KIF1C: variants seen among roughly 807,000 people sequenced by gnomAD.
The protein encoded by KIF1C is kinesin family member 1C, also known as kinesin-like protein KIF1C.
In KIF1C, 61 loss-of-function variants were observed where a neutral mutation model predicts 126.5. That is an observed-to-expected ratio of 0.48 (90% CI 0.39 to 0.60). The LOEUF (loss-of-function observed/expected upper bound fraction) is 0.60. Among genes scored for constraint, KIF1C ranks in the 20% least tolerant of loss-of-function variants. The pLI, the probability that KIF1C is intolerant of heterozygous loss-of-function variation, is 0.00. For missense variants in KIF1C, 1,315 were observed against 1,489.2 expected (o/e 0.88, Z 1.93); for synonymous variants, 640 against 580.6 (o/e 1.10, Z -1.47).
At position 5,022,697 on chromosome 17, in the gene KIF1C, C is replaced by T; in HGVS notation, c.2616C>T (p.Ile872=). Residue 872 remains isoleucine (I), a synonymous_variant, in exon 22 of 23, where the codon ATC becomes ATT. Transcript: ENST00000320785. The surrounding 1 kb of genome is among the most constrained non-coding windows in gnomAD (Gnocchi z 4.9). ...GCATGCTCCGCATGGAGAGGGTCAT[C>T]CCCCTGGCCCAGGTAGGACTGGCCT... ...RDRMLRMERV[I]PLAQDHEDEN... is the part of the protein sequence containing the mutation. The T allele has an allele frequency of 6.5e-7, 1 of 1,546,366 alleles. No individual in the cohort carries two copies. The highest frequency in any genetic ancestry group is 2.3e-5 in the East Asian group (1 of 44,236).
intron 16 of KIF1C, among the ~76,000 whole-genome samples, chr17:5,009,898 C>T (rs1004508916): frequency 4.6e-5 from 7 of 151,984 alleles, no homozygotes; most frequent in Admixed American, 1.3e-4. Context: ...ACATTCACGG[C>T]CTCTCTAATA....
At chr17:5,014,661 T>G in intron 17 of KIF1C, 82 bp from the exon 18 acceptor site, 2 of 994,042 alleles carry the variant, frequency 2.0e-6, no homozygotes, top group Non-Finnish European at 3.1e-6. Context: ...GCTTGGTTCA[T>G]TGAGTTGGAT....
chr17:5,000,490 G>C (rs957231345), intron 3 of KIF1C, 138 bp downstream of exon 3: 7 of 697,970 alleles, frequency 1.0e-5, no homozygotes, highest in African/African-American at 8.8e-5. Flanking sequence ...GCGGGGGCTG[G>C]GGCAGGCTGG....
intron 18 of KIF1C, among the ~76,000 whole-genome samples, chr17:5,015,872 A>T (rs1974961201): frequency 1.3e-5 from 2 of 152,174 alleles, no homozygotes; most frequent in Admixed American, 1.3e-4. Flanking sequence ...CTGGGATTAC[A>T]GGCGTGAGCC....
At chr17:5,003,472 T>TC in intron 8 of KIF1C, 140 bp from the exon 9 acceptor site, 4 of 611,090 alleles carry the variant, frequency 6.5e-6, no homozygotes, top group South Asian at 2.0e-5. Context: ...GTATTCTGTT[T>TC]CCCCCGGCCT....
intron 18 of KIF1C, 77 bp from the exon 19 acceptor site, chr17:5,019,919 G>T: frequency 8.4e-7 from 1 of 1,196,554 alleles, no homozygotes; most frequent in Non-Finnish European, 1.2e-6. Context: ...TTGGGGTAAG[G>T]CAAGGTGGGA....
intron 14 of KIF1C, 33 bp downstream of exon 14, chr17:5,007,117 C>T: frequency 6.3e-7 from 1 of 1,578,040 alleles, no homozygotes; most frequent in Non-Finnish European, 8.6e-7. Context: ...GGCTGGGGGT[C>T]TGGGCATTCC....
chr17:5,013,157 T>C (rs1350717180), intron 16 of KIF1C, among the ~76,000 whole-genome samples: 3 of 152,176 alleles, frequency 2.0e-5, no homozygotes, highest in African/African-American at 7.2e-5. Context: ...AATTCAAGGT[T>C]GATGAAAGGT....
intron 10 of KIF1C, 30 bp downstream of exon 10, chr17:5,003,946 T>G (rs757142737): frequency 6.2e-7 from 1 of 1,611,896 alleles, no homozygotes; most frequent in Admixed American, 1.7e-5. Context: ...AAGAAGGGGC[T>G]TGGGAAAGGG....
In KIF1C at chr17:4,997,959, T is replaced by G. The variant is rs1456577915; in HGVS notation, c.-346T>G. On this transcript the variant is annotated 5_prime_UTR_variant, in exon 1 of 23. Coordinates refer to ENST00000320785, the MANE Select transcript of KIF1C (RefSeq NM_006612.6). ...CCCTCGCTCCCGCCCCAGCTCGCGC[T>G]GCCCGGGCGGGCGCCGGCCGCTGGC... The G allele has an allele frequency of 2.0e-5, 3 of 147,764 alleles. No individual in the cohort carries two copies. Among genetic ancestry groups the G allele is most frequent in the Non-Finnish European group, 4.5e-5 (3 of 66,458 alleles). The allele number at this position is 147,764 out of a possible 1,614,324, so 9.2% of individuals were successfully genotyped here. A position where few individuals can be genotyped will look rare whatever the true frequency, so the allele number is the denominator to read the frequency against.
At chr17:5,014,623 T>C in intron 17 of KIF1C, 120 bp from the exon 18 acceptor site, 5 of 745,282 alleles carry the variant, frequency 6.7e-6, no homozygotes, top group South Asian at 3.4e-5. Flanking sequence ...GAGCCTCTGC[T>C]TCCTCATCTG....
intron 14 of KIF1C, 21 bp from the exon 15 acceptor site, chr17:5,007,242 C>T (rs1485796437): frequency 1.3e-6 from 2 of 1,599,762 alleles, no homozygotes; most frequent in Admixed American, 1.7e-5. Flanking sequence ...ATCCTGAAAC[C>T]TACCCACCTT....
intron 13 of KIF1C, 128 bp downstream of exon 13, chr17:5,005,128 A>G: frequency 1.7e-6 from 2 of 1,150,588 alleles, no homozygotes; most frequent in Non-Finnish European, 2.5e-6. Context: ...GTGCTCAGTG[A>G]CGTGGACACA....
chr17:5,020,405 CT>C lies in KIF1C; in HGVS notation c.1751-86del. 1 of 1,339,832 alleles carries C rather than the reference CT, an allele frequency of 7.5e-7. No individual in the cohort carries two copies. 83.0% of individuals were successfully genotyped at this position (1,339,832 alleles called of 1,614,324 possible). A position where few individuals can be genotyped will look rare whatever the true frequency, so the allele number is the denominator to read the frequency against. On this transcript the variant is annotated intron_variant, in intron 19 of 22. Coordinates refer to ENST00000320785, the MANE Select transcript of KIF1C (RefSeq NM_006612.6). This position sits in a 1 kb window ranked among gnomAD's most constrained non-coding sequence, Gnocchi z 5.8. The stretch of plus-strand genomic sequence containing the variant: ...GATGAAGGGGAGGGTGTCACAGCCC[CT>C]GTGCCAGATTCTCTATGCCTTGGGT...
intron 8 of KIF1C, among the ~76,000 whole-genome samples, 197 bp from the exon 9 acceptor site, chr17:5,003,415 G>T (rs8065871): frequency 2.6e-5 from 4 of 152,090 alleles, no homozygotes; most frequent in Non-Finnish European, 4.4e-5. Context: ...CGGTGGGCCT[G>T]TAGCTATTTG....
chr17:5,024,366 GAGAT>G lies in KIF1C; in HGVS notation c.*218_*221del, dbSNP rs574831306. ...CCAGGAGCAAACCAAAGTGAAGAGA[GAGAT>G]AGGAAGCTGCCTCGGGGCCACCCCT... On this transcript the variant is annotated 3_prime_UTR_variant, in exon 23 of 23. Coordinates refer to ENST00000320785, the MANE Select transcript of KIF1C (RefSeq NM_006612.6). 8.0e-5 allele frequency: 36 copies of G among 450,742 alleles called. 1 individual carries two copies. In the South Asian group the frequency reaches 1.3e-3, roughly 17 times the overall value. 27.9% of individuals were successfully genotyped at this position (450,742 alleles called of 1,614,324 possible).
intron 16 of KIF1C, among the ~76,000 whole-genome samples, chr17:5,007,801 C>T (rs1008255471): frequency 2.6e-5 from 4 of 152,154 alleles, no homozygotes; most frequent in Non-Finnish European, 4.4e-5. Flanking sequence ...TGCAATAGAG[C>T]ATGCTTTTGT....
Position 5,025,810 on chromosome 17 carries a change from A to G in KIF1C, c.*1659A>G, listed in dbSNP as rs1975199626. The G allele has an allele frequency of 6.6e-6, 1 of 152,048 alleles. No individual in the cohort carries two copies. Among genetic ancestry groups the G allele is most frequent in the Non-Finnish European group, 1.5e-5 (1 of 68,034 alleles). The allele number at this position is 152,048 out of a possible 1,614,324, so 9.4% of individuals were successfully genotyped here. A position where few individuals can be genotyped will look rare whatever the true frequency, so the allele number is the denominator to read the frequency against. ...ACTCCAGCCTGGGCGACAGAGCGAG[A>G]CTCCATTTCAAGAAAAATTAAAAAA... On this transcript the variant is annotated 3_prime_UTR_variant, in exon 23 of 23. Transcript: ENST00000320785.
chr17:5,005,244 A>G (rs1974700114), intron 13 of KIF1C, among the ~76,000 whole-genome samples: 1 of 152,256 alleles, frequency 6.6e-6, no homozygotes, highest in Admixed American at 6.5e-5. Flanking sequence ...CCTGGAAGTA[A>G]TGAAATGACT....
Sources: allele counts gnomAD v4.1 joint callset (sites outside exome capture counted in the v4.1 genomes callset), GRCh38; gene constraint gnomAD v4.1.1; non-coding constraint Gnocchi (gnomAD v3.1); transcripts MANE v1.5; gene names NCBI Gene and HGNC (gene_info 2026-07-23, HGNC 2026-07-21).